The following ZDHHC20 variants were observed in gnomAD, a reference collection of about 807,000 sequenced individuals.
ZDHHC20 encodes palmitoyltransferase ZDHHC20.
Under a neutral mutation model 57.8 loss-of-function variants are expected in ZDHHC20, and 43 were observed. The ratio of observed to expected loss-of-function variants is 0.74; its 90% CI spans 0.58 to 0.96. ZDHHC20 has a LOEUF of 0.96. ZDHHC20 is among the 40% of genes least tolerant of loss of function. The pLI, the probability that ZDHHC20 is intolerant of heterozygous loss-of-function variation, is 0.00. For missense variants in ZDHHC20, 391 were observed against 441.1 expected, an observed-to-expected ratio of 0.89 and a Z score of 1.02; for synonymous variants, 157 against 153.0, an observed-to-expected ratio of 1.03 and a Z score of -0.19.
chr13:21,452,840 T>C (rs1055860384), intron 1 of ZDHHC20, among the ~76,000 whole-genome samples: 4 of 151,966 alleles, frequency 2.6e-5, no homozygotes, highest in Non-Finnish European at 4.4e-5. Flanking sequence ...AATAAGGAGA[T>C]AGAATCATTT....
At chr13:21,382,072 T>C in intron 10 of ZDHHC20, 1 of 414,512 alleles carries the variant, frequency 2.4e-6, no homozygotes, top group Non-Finnish European at 4.9e-6. Context: ...GGTTCCCTAT[T>C]ATGGGCCAGA....
chr13:21,387,591 AT>A lies in ZDHHC20; in HGVS notation c.770del (p.Asn257MetfsTer103). 6.6e-7 allele frequency: 1 copy of A among 1,514,558 alleles called. No homozygotes were observed. 93.8% of individuals were successfully genotyped at this position (1,514,558 alleles called of 1,614,324 possible). On this transcript the variant is annotated frameshift_variant, in exon 9 of 13. Transcript: ENST00000400590. LOFTEE classifies it high-confidence loss of function. ...APTFSYGPDG[N>X]GFSLGCSKNW... ...TTTTACTGCATCCAAGAGAGAAACC[AT>A]TTCCATCAGGTCCGTATGAAAACGT... is the stretch of plus-strand genomic sequence containing the variant.
intron 7 of ZDHHC20, among the ~76,000 whole-genome samples, chr13:21,397,274 C>T (rs547789790): frequency 8.6e-5 from 13 of 151,012 alleles, no homozygotes; most frequent in Admixed American, 6.6e-5. Context: ...TGCAGTGAGC[C>T]GAGATTGTGC....
At chr13:21,457,378 A>C (rs1171384347) in intron 1 of ZDHHC20, among the ~76,000 whole-genome samples, 1 of 152,198 alleles carries the variant, frequency 6.6e-6, no homozygotes, top group Non-Finnish European at 1.5e-5. Context: ...CCCACTTCAG[A>C]GTAAATAAGA....
chr13:21,418,620 G>A (rs1384692258), intron 3 of ZDHHC20, among the ~76,000 whole-genome samples: 1 of 152,150 alleles, frequency 6.6e-6, no homozygotes, highest in Non-Finnish European at 1.5e-5. Context: ...CTAGTAGGCT[G>A]CAGAAGTATG....
At chr13:21,410,041 T>C (rs1429385548) in intron 4 of ZDHHC20, among the ~76,000 whole-genome samples, 1 of 152,214 alleles carries the variant, frequency 6.6e-6, no homozygotes, top group African/African-American at 2.4e-5. Flanking sequence ...TGGTCTTTCA[T>C]GTTGGTGACC....
At chr13:21,433,040 G>A (rs978962857) in intron 1 of ZDHHC20, among the ~76,000 whole-genome samples, 2 of 152,202 alleles carry the variant, frequency 1.3e-5, no homozygotes, top group African/African-American at 4.8e-5. Context: ...AGTAAATCTT[G>A]AAATCAGATA....
At chr13:21,382,772 C>A (rs1041615626) in intron 10 of ZDHHC20, 148 bp downstream of exon 10, 4 of 578,816 alleles carry the variant, frequency 6.9e-6, no homozygotes, top group Admixed American at 3.4e-5. Context: ...TTTTATTAAA[C>A]CTCAGTTAAA....
At chr13:21,441,894 G>A (rs1883209925) in intron 1 of ZDHHC20, among the ~76,000 whole-genome samples, 1 of 151,964 alleles carries the variant, frequency 6.6e-6, no homozygotes, top group African/African-American at 2.4e-5. Context: ...AAAGTCTCAT[G>A]CTCCTGATTA....
intron 4 of ZDHHC20, among the ~76,000 whole-genome samples, chr13:21,412,725 T>C (rs1026859125): frequency 1.3e-5 from 2 of 151,786 alleles, no homozygotes; most frequent in African/African-American, 4.8e-5. Flanking sequence ...TCCCAGCACT[T>C]TGGGAGGCCA....
intron 4 of ZDHHC20, among the ~76,000 whole-genome samples, chr13:21,411,094 G>T (rs946202714): frequency 6.6e-6 from 1 of 152,176 alleles, no homozygotes; most frequent in Admixed American, 6.5e-5. Flanking sequence ...GTCCCTCATG[G>T]CTTCCCTTGG....
intron 4 of ZDHHC20, among the ~76,000 whole-genome samples, chr13:21,410,451 G>A (rs993606444): frequency 2.6e-5 from 4 of 152,358 alleles, no homozygotes; most frequent in African/African-American, 9.6e-5. Context: ...TGCTGAAGCT[G>A]TGCCTACAGC....
chr13:21,381,107 A>C (rs1484359179), intron 11 of ZDHHC20, among the ~76,000 whole-genome samples: 1 of 151,828 alleles, frequency 6.6e-6, no homozygotes, highest in African/African-American at 2.4e-5. Context: ...CCCGGGTTCA[A>C]GCCATTCTCT....
intron 7 of ZDHHC20, among the ~76,000 whole-genome samples, chr13:21,393,253 A>C (rs1219383943): frequency 6.6e-6 from 1 of 150,956 alleles, no homozygotes; most frequent in Non-Finnish European, 1.5e-5. Context: ...CTGTAATCCC[A>C]GTACTTTGGG....
At chr13:21,379,560 G>A (rs904875770) in intron 11 of ZDHHC20, among the ~76,000 whole-genome samples, 1 of 152,084 alleles carries the variant, frequency 6.6e-6, no homozygotes, top group Non-Finnish European at 1.5e-5. Context: ...GGGATTACAG[G>A]TGTGAGCCAC....
chr13:21,440,765 T>C (rs1883065776), intron 1 of ZDHHC20, among the ~76,000 whole-genome samples: 1 of 152,196 alleles, frequency 6.6e-6, no homozygotes, highest in South Asian at 2.1e-4. Flanking sequence ...GTCCCATCTT[T>C]TCCTCTGTAA....
At chr13:21,443,066 T>C (rs1883340547) in intron 1 of ZDHHC20, among the ~76,000 whole-genome samples, 1 of 152,238 alleles carries the variant, frequency 6.6e-6, no homozygotes, top group African/African-American at 2.4e-5. Context: ...GTACAGTTTA[T>C]TTGCTAGATG....
chr13:21,414,551 T>G (rs1277289717), intron 3 of ZDHHC20, among the ~76,000 whole-genome samples: 6 of 149,008 alleles, frequency 4.0e-5, no homozygotes, highest in Admixed American at 4.0e-4. Flanking sequence ...TTTTGTATTT[T>G]TAGTAGAGGC....
At chr13:21,448,866 T>C (rs1884143882) in intron 1 of ZDHHC20, among the ~76,000 whole-genome samples, 1 of 90,566 alleles carries the variant, frequency 1.1e-5, no homozygotes, top group African/African-American at 3.6e-5. Flanking sequence ...CATTTTGTTC[T>C]GCACTAAGAA....
Sources: allele counts gnomAD v4.1 joint callset (sites outside exome capture counted in the v4.1 genomes callset), GRCh38; gene constraint gnomAD v4.1.1; transcripts MANE v1.5; gene names NCBI Gene and HGNC (gene_info 2026-07-23, HGNC 2026-07-21).